The following UMAD1 variants were observed in gnomAD, a reference collection of about 807,000 sequenced individuals.
UMAD1 encodes UBAP1-MVB12-associated (UMA) domain containing 1, also known as UBAP1-MVB12-associated (UMA)-domain containing protein 1.
UMAD1 carries 8 observed loss-of-function variants against 6.1 expected under a neutral mutation model. The observed-to-expected ratio is 1.30, with a 90% confidence interval of 0.76 to 2.35. The LOEUF (loss-of-function observed/expected upper bound fraction) is 2.35, where lower values mean the gene tolerates loss of function less well. UMAD1 is among the 30% of genes most tolerant of loss of function. The pLI is 0.00. For synonymous variants in UMAD1, 56 were observed against 31.4 expected (o/e 1.78, Z -2.61); for missense variants, 130 against 78.4 (o/e 1.66, Z -2.49).
chr7:7,704,977 C>A (rs988144058), intron 2 of UMAD1, among the ~76,000 whole-genome samples: 1 of 152,038 alleles, frequency 6.6e-6, no homozygotes, highest in African/African-American at 2.4e-5. Context: ...ACTCAGCATG[C>A]CTTTACAGAT....
chr7:7,818,607 A>T (rs1388265531), intron 3 of UMAD1, among the ~76,000 whole-genome samples: 3 of 149,930 alleles, frequency 2.0e-5, no homozygotes, highest in African/African-American at 7.4e-5. Context: ...GACAGTGGTG[A>T]TTCCTCAAAG....
chr7:7,672,991 G>C (rs1279887833), intron 1 of UMAD1, among the ~76,000 whole-genome samples: 1 of 152,146 alleles, frequency 6.6e-6, no homozygotes, highest in Non-Finnish European at 1.5e-5. Flanking sequence ...TCTGTTTTAT[G>C]GTTAGCAAGA....
chr7:7,673,213 A>G, intron 1 of UMAD1, 96 bp from the exon 2 acceptor site: 1 of 797,064 alleles, frequency 1.3e-6, no homozygotes, highest in Non-Finnish European at 2.1e-6. Flanking sequence ...CCTAAGAGTA[A>G]CTATTGTTAT....
intron 2 of UMAD1, among the ~76,000 whole-genome samples, chr7:7,712,092 C>G (rs1161952800): frequency 1.3e-5 from 2 of 152,048 alleles, no homozygotes; most frequent in Non-Finnish European, 2.9e-5. Flanking sequence ...CTATTTTTCT[C>G]TCTCTTAGCC....
At chr7:7,654,965 T>C (rs754897541) in intron 1 of UMAD1, among the ~76,000 whole-genome samples, 2 of 152,158 alleles carry the variant, frequency 1.3e-5, no homozygotes, top group Non-Finnish European at 2.9e-5. Context: ...TTTTTGACTA[T>C]TTTTGCTTCA....
chr7:7,675,271 G>T (rs1267338243), intron 2 of UMAD1, among the ~76,000 whole-genome samples: 2 of 152,196 alleles, frequency 1.3e-5, no homozygotes, highest in African/African-American at 2.4e-5. Context: ...AAAGCACATA[G>T]AATTCCTAAT....
chr7:7,691,354 A>G (rs1471844732), intron 2 of UMAD1, among the ~76,000 whole-genome samples: 3 of 152,214 alleles, frequency 2.0e-5, no homozygotes, highest in East Asian at 1.9e-4. Context: ...TCATTATTTT[A>G]TATTCAATTA....
intron 2 of UMAD1, among the ~76,000 whole-genome samples, chr7:7,749,657 C>G (rs1781639981): frequency 6.6e-6 from 1 of 151,904 alleles, no homozygotes; most frequent in Non-Finnish European, 1.5e-5. Context: ...TCATATTTTT[C>G]TAAAATAAAA....
chr7:7,720,435 C>G (rs1451049709), intron 2 of UMAD1, among the ~76,000 whole-genome samples: 1 of 151,874 alleles, frequency 6.6e-6, no homozygotes, highest in African/African-American at 2.4e-5. Context: ...TTAATCATTT[C>G]CCCCCCTAAC....
At chr7:7,678,105 C>A (rs551825750) in intron 2 of UMAD1, among the ~76,000 whole-genome samples, 2 of 150,494 alleles carry the variant, frequency 1.3e-5, no homozygotes, top group South Asian at 4.2e-4. Flanking sequence ...ATGTACCCAG[C>A]AATAGAATTG....
At chr7:7,792,094 C>T (rs1782577920) in intron 2 of UMAD1, among the ~76,000 whole-genome samples, 1 of 152,206 alleles carries the variant, frequency 6.6e-6, no homozygotes, top group Non-Finnish European at 1.5e-5. Flanking sequence ...TGAGCATTCA[C>T]TTTGCATGTG....
At chr7:7,856,818 G>A (rs1254800423) in intron 3 of UMAD1, among the ~76,000 whole-genome samples, 1 of 152,132 alleles carries the variant, frequency 6.6e-6, no homozygotes, top group African/African-American at 2.4e-5. Flanking sequence ...GACCATACAG[G>A]TCTCTTTTCA....
chr7:7,847,725 G>A (rs1326864223), intron 3 of UMAD1, among the ~76,000 whole-genome samples: 1 of 152,042 alleles, frequency 6.6e-6, no homozygotes, highest in African/African-American at 2.4e-5. Flanking sequence ...ACATTATAGG[G>A]ACTCAAATCT....
intron 3 of UMAD1, among the ~76,000 whole-genome samples, chr7:7,846,823 G>A (rs150036061): frequency 7.4e-4 from 106 of 142,570 alleles, no homozygotes; most frequent in Admixed American, 2.5e-3. Flanking sequence ...TTGATCCACC[G>A]CATATTCTCA....
intron 1 of UMAD1, among the ~76,000 whole-genome samples, chr7:7,667,677 G>A (rs1779501669): frequency 6.6e-6 from 1 of 152,184 alleles, no homozygotes; most frequent in Non-Finnish European, 1.5e-5. Flanking sequence ...ATAGAGCTGA[G>A]CAAGGCTTGG....
chr7:7,800,106 C>A (rs1393523372), intron 2 of UMAD1, among the ~76,000 whole-genome samples: 1 of 152,366 alleles, frequency 6.6e-6, no homozygotes, highest in South Asian at 2.1e-4. Flanking sequence ...TGGTCTCGAT[C>A]TCCTGACCTC....
intron 2 of UMAD1, among the ~76,000 whole-genome samples, chr7:7,698,397 G>T (rs1306431400): frequency 1.3e-5 from 2 of 152,182 alleles, no homozygotes; most frequent in African/African-American, 2.4e-5. Context: ...ACTGGTAGAA[G>T]TTTTGATTGA....
At chr7:7,774,009 C>G (rs112436683) in intron 2 of UMAD1, among the ~76,000 whole-genome samples, 2 of 152,244 alleles carry the variant, frequency 1.3e-5, no homozygotes, top group African/African-American at 4.8e-5. Flanking sequence ...CACCACAGAC[C>G]CTAAGAAAAC....
chr7:7,741,606 AATAATAAT>A (rs1781468032), intron 2 of UMAD1, among the ~76,000 whole-genome samples: 1 of 148,248 alleles, frequency 6.7e-6, no homozygotes, highest in Non-Finnish European at 1.5e-5. Context: ...TAATAATAAT[AATAATAAT>A]AAAAATAATA....
Sources: gnomAD v4.1 joint callset for allele counts (sites outside exome capture counted in the v4.1 genomes callset) on GRCh38, gnomAD v4.1.1 for gene constraint, MANE v1.5 for transcripts, NCBI Gene and HGNC (gene_info 2026-07-23, HGNC 2026-07-21) for gene names.